The following SLC10A7 variants were observed in gnomAD, a reference collection of about 807,000 sequenced individuals.
SLC10A7 encodes solute carrier family 10 member 7.
Under a neutral mutation model 43.2 loss-of-function variants are expected in SLC10A7, and 29 were observed. The ratio of observed to expected loss-of-function variants is 0.67; its 90% CI spans 0.50 to 0.92. The LOEUF is 0.92. Among genes scored for constraint, SLC10A7 ranks in the 40% least tolerant of loss-of-function variants. SLC10A7 has a pLI of 0.00. For missense variants in SLC10A7, 295 were observed against 403.2 expected, an observed-to-expected ratio of 0.73 and a Z score of 2.30; for synonymous variants, 152 against 144.8, an observed-to-expected ratio of 1.05 and a Z score of -0.35.
Position 146,418,228 on chromosome 4 carries a change from C to T in SLC10A7, c.435+24555G>A, listed in dbSNP as rs186359105. 2.8e-3 allele frequency among the ~76,000 whole-genome samples: 424 copies of T among 152,190 alleles called. 1 individual carries two copies. Among genetic ancestry groups the T allele is most frequent in the Non-Finnish European group, 5.2e-3 (355 of 68,014 alleles). ...TATCACAAAACATTCAAACATTGTC[C>T]AATGTTAACAGCATGGATTCCATTG... On this transcript the variant is annotated intron_variant, in intron 5 of 11. Transcript: ENST00000335472.
chr4:146,283,982 T>TA (rs1294823630), intron 9 of SLC10A7, among the ~76,000 whole-genome samples: 7 of 143,880 alleles, frequency 4.9e-5, no homozygotes, highest in Non-Finnish European at 1.0e-4. Flanking sequence ...TGTTAAACAT[T>TA]AAAAAAAACC....
At chr4:146,377,867 A>G (rs1737315221) in intron 5 of SLC10A7, among the ~76,000 whole-genome samples, 1 of 152,224 alleles carries the variant, frequency 6.6e-6, no homozygotes, top group African/African-American at 2.4e-5. Context: ...ATACTTTAAA[A>G]TTGCCAACAA....
intron 4 of SLC10A7, among the ~76,000 whole-genome samples, chr4:146,466,891 G>A (rs879507955): frequency 2.6e-5 from 4 of 152,108 alleles, no homozygotes; most frequent in Non-Finnish European, 5.9e-5. Context: ...GAGACCTTAG[G>A]AGGAAAGCCT....
chr4:146,278,019 C>A (rs938753695), intron 10 of SLC10A7, among the ~76,000 whole-genome samples: 7 of 151,928 alleles, frequency 4.6e-5, no homozygotes, highest in African/African-American at 1.7e-4. Context: ...CAATTCAAAC[C>A]CATGCGAAGA....
At chr4:146,364,913 C>T (rs1736290596) in intron 5 of SLC10A7, among the ~76,000 whole-genome samples, 1 of 151,932 alleles carries the variant, frequency 6.6e-6, no homozygotes, top group African/African-American at 2.4e-5. Flanking sequence ...ACAACCACTA[C>T]ATATCTATAA....
chr4:146,303,053 G>A (rs1317721454), intron 7 of SLC10A7, among the ~76,000 whole-genome samples: 3 of 152,094 alleles, frequency 2.0e-5, no homozygotes, highest in Non-Finnish European at 4.4e-5. Context: ...ACTCACCCAA[G>A]GTCACAGCCC....
intron 9 of SLC10A7, among the ~76,000 whole-genome samples, chr4:146,285,955 A>AC (rs148485489): frequency 0.021 from 2,561 of 124,410 alleles, 1 homozygote; most frequent in African/African-American, 0.024. Context: ...TTGAGTGGTG[A>AC]GAAGGACTGA....
chr4:146,265,228 C>T (rs1035671639), intron 10 of SLC10A7, among the ~76,000 whole-genome samples: 3 of 152,174 alleles, frequency 2.0e-5, no homozygotes, highest in Non-Finnish European at 4.4e-5. Context: ...CAGTTAAGTA[C>T]CTTGCCTAAT....
intron 4 of SLC10A7, among the ~76,000 whole-genome samples, chr4:146,451,816 G>GATAT (rs1328465054): frequency 6.6e-6 from 1 of 152,072 alleles, no homozygotes; most frequent in African/African-American, 2.4e-5. Context: ...GATAAAAAGT[G>GATAT]ATATATGCTT....
At chr4:146,521,488 G>A (rs1738651225) in intron 1 of SLC10A7, 130 bp downstream of exon 1, 1 of 712,398 alleles carries the variant, frequency 1.4e-6, no homozygotes, top group East Asian at 2.7e-5. Context: ...TCAGCAAAAG[G>A]GCCAAAGGCT....
chr4:146,435,518 A>T (rs1282687312), intron 5 of SLC10A7, among the ~76,000 whole-genome samples: 1 of 152,240 alleles, frequency 6.6e-6, no homozygotes, highest in African/African-American at 2.4e-5. Flanking sequence ...AGGACTTGAT[A>T]TTCTCACTTT....
intron 4 of SLC10A7, among the ~76,000 whole-genome samples, chr4:146,466,399 C>G (rs1292419086): frequency 6.6e-6 from 1 of 151,978 alleles, no homozygotes; most frequent in Non-Finnish European, 1.5e-5. Context: ...AGTGGCCCCA[C>G]TTGGCTCCCA....
intron 4 of SLC10A7, among the ~76,000 whole-genome samples, chr4:146,457,065 T>A (rs1031765422): frequency 3.3e-5 from 5 of 151,966 alleles, no homozygotes; most frequent in African/African-American, 1.2e-4. Flanking sequence ...TCTGCTATTG[T>A]GGTGCAAAAG....
intron 10 of SLC10A7, among the ~76,000 whole-genome samples, chr4:146,274,056 G>T (rs925908411): frequency 6.6e-5 from 10 of 151,978 alleles, no homozygotes; most frequent in Admixed American, 5.9e-4. Context: ...CTTTCAAATG[G>T]CATTCTGAAT....
chr4:146,319,148 C>A (rs1732523335), intron 6 of SLC10A7, among the ~76,000 whole-genome samples: 3 of 152,082 alleles, frequency 2.0e-5, no homozygotes, highest in African/African-American at 7.2e-5. Context: ...CAAGTCCTTA[C>A]AAAGGACTTT....
intron 7 of SLC10A7, among the ~76,000 whole-genome samples, chr4:146,297,778 G>A (rs894832322): frequency 1.3e-5 from 2 of 151,886 alleles, no homozygotes; most frequent in African/African-American, 4.8e-5. Context: ...ATTAAATATT[G>A]AGTAGATTCA....
intron 10 of SLC10A7, among the ~76,000 whole-genome samples, chr4:146,270,046 G>C (rs1162161880): frequency 6.6e-6 from 1 of 152,136 alleles, no homozygotes; most frequent in African/African-American, 2.4e-5. Context: ...CTACATAAAA[G>C]AATGAGGCAG....
chr4:146,256,874 T>C (rs562609097), intron 11 of SLC10A7: 3 of 1,536,322 alleles, frequency 2.0e-6, no homozygotes, highest in East Asian at 2.4e-5. Flanking sequence ...ATTTGATGGA[T>C]AGATATTCCA....
intron 7 of SLC10A7, among the ~76,000 whole-genome samples, chr4:146,297,245 T>C (rs1439804939): frequency 1.3e-5 from 2 of 152,158 alleles, no homozygotes; most frequent in African/African-American, 2.4e-5. Flanking sequence ...AAATCTTCCA[T>C]AGAAGCTTTT....
Sources: gnomAD v4.1 joint callset for allele counts (sites outside exome capture counted in the v4.1 genomes callset) on GRCh38, gnomAD v4.1.1 for gene constraint, MANE v1.5 for transcripts, NCBI Gene and HGNC (gene_info 2026-07-23, HGNC 2026-07-21) for gene names.